Variants in ETV6 observed in about 807,000 individuals in gnomAD.
ETV6 encodes transcription factor ETV6.
Under a neutral mutation model 51.1 loss-of-function variants are expected in ETV6, and 16 were observed. That is an observed-to-expected ratio of 0.31 (90% CI 0.21 to 0.48). ETV6 has a LOEUF of 0.48. Ranked by LOEUF, ETV6 falls within the 20% of genes least tolerant of loss-of-function variation. ETV6 has a pLI of 0.99. For missense variants in ETV6, 458 were observed against 594.8 expected (o/e 0.77, Z 2.39); for synonymous variants, 240 against 224.1 (o/e 1.07, Z -0.64).
At chr12:11,789,650 T>C (rs554819423) in intron 2 of ETV6, among the ~76,000 whole-genome samples, 3 of 152,188 alleles carry the variant, frequency 2.0e-5, no homozygotes, top group Non-Finnish European at 4.4e-5. Context: ...TCTTTCCTCA[T>C]ACTTGATAGA....
At chr12:11,687,425 A>C (rs1233598215) in intron 1 of ETV6, among the ~76,000 whole-genome samples, 1 of 151,214 alleles carries the variant, frequency 6.6e-6, no homozygotes, top group African/African-American at 2.4e-5. Context: ...CAGATGATCC[A>C]CCCGCGTCGG....
At chr12:11,737,099 A>G (rs1372741309) in intron 1 of ETV6, among the ~76,000 whole-genome samples, 9 of 152,196 alleles carry the variant, frequency 5.9e-5, no homozygotes, top group African/African-American at 2.2e-4. Flanking sequence ...CAGTAGGCCC[A>G]CAGTCGTGGA....
At chr12:11,858,623 A>G (rs1422323646) in intron 4 of ETV6, among the ~76,000 whole-genome samples, 1 of 152,150 alleles carries the variant, frequency 6.6e-6, no homozygotes, top group African/African-American at 2.4e-5. Context: ...ACCCCCTTGG[A>G]GCTTGATAAT....
intron 1 of ETV6, among the ~76,000 whole-genome samples, chr12:11,712,454 C>G (rs539193872): frequency 4.6e-5 from 7 of 152,290 alleles, no homozygotes; most frequent in African/African-American, 1.7e-4. Flanking sequence ...GACCCATCAT[C>G]TCGTCGTAGA....
rs1591734542 is a variant in ETV6 at position 11,869,068 on chromosome 12, C to G, written c.464-356C>G. 3.3e-5 allele frequency among the ~76,000 whole-genome samples: 5 copies of G among 152,090 alleles called. No homozygotes were observed. The South Asian group carries it at 1.0e-3, about 32-fold the overall frequency. On this transcript the variant is annotated intron_variant, in intron 4 of 7. Transcript: ENST00000396373. The surrounding 1 kb of genome is among the most constrained non-coding windows in gnomAD (Gnocchi z 5.0). Reference sequence around the variant, plus strand: ...TGGCTAACACGGTGAAACCCCATCTCTACTAAAAATAAAAAAAATTAGCCG... The same window carrying G: ...TGGCTAACACGGTGAAACCCCATCTGTACTAAAAATAAAAAAAATTAGCCG...
intron 2 of ETV6, among the ~76,000 whole-genome samples, chr12:11,806,637 T>C (rs1945832867): frequency 6.6e-6 from 1 of 152,204 alleles, no homozygotes; most frequent in African/African-American, 2.4e-5. Context: ...GTAGATAATA[T>C]ACAATAAAAT....
At chr12:11,730,235 C>T (rs948496236) in intron 1 of ETV6, among the ~76,000 whole-genome samples, 5 of 152,354 alleles carry the variant, frequency 3.3e-5, no homozygotes, top group South Asian at 4.1e-4. Context: ...GCAAAGCCCA[C>T]GGTCTAGGCA....
chr12:11,813,581 GCCTC>G (rs922196251), intron 2 of ETV6, among the ~76,000 whole-genome samples: 10 of 152,034 alleles, frequency 6.6e-5, no homozygotes, highest in African/African-American at 1.4e-4. Flanking sequence ...ATGAGCCTCT[GCCTC>G]CCTCCCTCCC....
At chr12:11,698,268 T>G (rs1297655649) in intron 1 of ETV6, among the ~76,000 whole-genome samples, 1 of 152,232 alleles carries the variant, frequency 6.6e-6, no homozygotes, top group Non-Finnish European at 1.5e-5. Context: ...AGTATTAGTT[T>G]TCTATTGCTG....
At chr12:11,850,221 C>G (rs924587620) in intron 3 of ETV6, among the ~76,000 whole-genome samples, 24 of 152,124 alleles carry the variant, frequency 1.6e-4, no homozygotes, top group African/African-American at 5.1e-4. Flanking sequence ...CCTGCACACT[C>G]GGGAAGAACC....
At chr12:11,841,085 C>T (rs997862583) in intron 3 of ETV6, among the ~76,000 whole-genome samples, 2 of 152,234 alleles carry the variant, frequency 1.3e-5, no homozygotes, top group Admixed American at 1.3e-4. Flanking sequence ...CCTCCCAAGT[C>T]TCTATAAATT....
intron 1 of ETV6, among the ~76,000 whole-genome samples, chr12:11,656,735 TGA>T (rs1270903158): frequency 6.6e-6 from 1 of 152,246 alleles, no homozygotes; most frequent in African/African-American, 2.4e-5. Flanking sequence ...GTTGGAAATC[TGA>T]GAGATTGTGT....
intron 1 of ETV6, among the ~76,000 whole-genome samples, chr12:11,727,511 A>G (rs1001901156): frequency 1.3e-5 from 2 of 152,178 alleles, no homozygotes; most frequent in African/African-American, 4.8e-5. Flanking sequence ...GTCACTGGAG[A>G]GCCATAATCA....
At chr12:11,860,287 G>A (rs1022239177) in intron 4 of ETV6, among the ~76,000 whole-genome samples, 2 of 152,214 alleles carry the variant, frequency 1.3e-5, no homozygotes, top group African/African-American at 4.8e-5. Flanking sequence ...CAAGGAGGCT[G>A]TGGGCTGGGG....
chr12:11,767,057 G>T (rs1444269614), intron 2 of ETV6, among the ~76,000 whole-genome samples: 3 of 152,166 alleles, frequency 2.0e-5, no homozygotes, highest in African/African-American at 7.2e-5. Context: ...GAGAAAGAAG[G>T]ATGGCGGTAT....
intron 2 of ETV6, among the ~76,000 whole-genome samples, chr12:11,821,275 A>G (rs1285427840): frequency 1.3e-5 from 2 of 152,066 alleles, no homozygotes; most frequent in African/African-American, 4.8e-5. Flanking sequence ...CTGAGGTGGG[A>G]AAATGGTGTG....
chr12:11,868,062 C>G (rs1394414354), intron 4 of ETV6, among the ~76,000 whole-genome samples: 1 of 152,144 alleles, frequency 6.6e-6, no homozygotes, highest in East Asian at 1.9e-4. Flanking sequence ...TTAGAGGTGT[C>G]CATCCATCCT....
intron 2 of ETV6, among the ~76,000 whole-genome samples, chr12:11,818,914 C>CCCTA (rs2136431802): frequency 6.6e-6 from 1 of 152,224 alleles, no homozygotes; most frequent in South Asian, 2.1e-4. Flanking sequence ...CCTCAGCCTA[C>CCCTA]CCTACCCACA....
chr12:11,748,949 A>T (rs1343023877), intron 1 of ETV6, among the ~76,000 whole-genome samples: 1 of 152,026 alleles, frequency 6.6e-6, no homozygotes, highest in East Asian at 1.9e-4. Flanking sequence ...TGCCTACAAC[A>T]GTTTTCTGCC....
Sources: gnomAD v4.1 joint callset for allele counts (sites outside exome capture counted in the v4.1 genomes callset) on GRCh38, gnomAD v4.1.1 for gene constraint, Gnocchi (gnomAD v3.1) non-coding constraint, MANE v1.5 for transcripts, NCBI Gene and HGNC (gene_info 2026-07-23, HGNC 2026-07-21) for gene names.